The following TAFA1 variants were observed in gnomAD, a reference collection of about 807,000 sequenced individuals.
TAFA1 encodes chemokine-like protein TAFA-1.
In TAFA1, 4 loss-of-function variants were observed where a neutral mutation model predicts 18.5. That is an observed-to-expected ratio of 0.22 (90% CI 0.11 to 0.49). The LOEUF is 0.49. Ranked by LOEUF, TAFA1 falls within the 20% of genes least tolerant of loss-of-function variation. The pLI is 0.98. For synonymous variants in TAFA1, 56 were observed against 55.2 expected (o/e 1.01, Z -0.06); for missense variants, 147 against 169.0 (o/e 0.87, Z 0.72).
At chr3:68,066,850 C>T (rs189939277) in intron 2 of TAFA1, among the ~76,000 whole-genome samples, 87 of 152,150 alleles carry the variant, frequency 5.7e-4, no homozygotes, top group Admixed American at 1.4e-3. Flanking sequence ...CTGGGAAGAA[C>T]GTGAGGAGGG....
intron 3 of TAFA1, among the ~76,000 whole-genome samples, chr3:68,537,476 C>A (rs2073294354): frequency 6.6e-6 from 1 of 152,100 alleles, no homozygotes; most frequent in African/African-American, 2.4e-5. Context: ...GAAAAGGAGG[C>A]CTGGCTAGCA....
At chr3:68,011,848 A>T (rs1704479195) in intron 2 of TAFA1, among the ~76,000 whole-genome samples, 2 of 152,188 alleles carry the variant, frequency 1.3e-5, no homozygotes, top group Non-Finnish European at 2.9e-5. Flanking sequence ...ATTTGATCAG[A>T]CCCTATAATA....
intron 2 of TAFA1, among the ~76,000 whole-genome samples, chr3:68,078,747 A>G (rs2064858467): frequency 1.3e-5 from 2 of 152,200 alleles, no homozygotes; most frequent in South Asian, 4.1e-4. Flanking sequence ...ATCAATGTTC[A>G]TCAAGGACAT....
chr3:68,056,521 C>A (rs2064538979), intron 2 of TAFA1, among the ~76,000 whole-genome samples: 1 of 152,026 alleles, frequency 6.6e-6, no homozygotes, highest in Non-Finnish European at 1.5e-5. Context: ...TTTGGAGATG[C>A]AAAACGCTTT....
intron 2 of TAFA1, among the ~76,000 whole-genome samples, chr3:68,331,887 G>A (rs1485527521): frequency 1.8e-4 from 17 of 94,538 alleles, no homozygotes; most frequent in African/African-American, 4.7e-4. Flanking sequence ...TTTTTGAGAC[G>A]GAGTCTCGCT....
chr3:68,348,641 C>T (rs2069209038), intron 2 of TAFA1, among the ~76,000 whole-genome samples: 1 of 152,080 alleles, frequency 6.6e-6, no homozygotes, highest in East Asian at 1.9e-4. Flanking sequence ...TTAAACTTGA[C>T]TCCTGAAACG....
chr3:68,218,856 G>A (rs1276200294), intron 2 of TAFA1, among the ~76,000 whole-genome samples: 1 of 152,114 alleles, frequency 6.6e-6, no homozygotes, highest in Non-Finnish European at 1.5e-5. Flanking sequence ...AGACCATAGT[G>A]TTGTTTCTTT....
chr3:68,494,457 C>A (rs1233920978), intron 3 of TAFA1, among the ~76,000 whole-genome samples: 4 of 152,158 alleles, frequency 2.6e-5, no homozygotes, highest in Non-Finnish European at 1.5e-5. Context: ...TGCTGAATAT[C>A]AAATTTCACA....
intron 2 of TAFA1, among the ~76,000 whole-genome samples, chr3:68,140,405 G>C (rs114671708): frequency 0.012 from 1,806 of 152,296 alleles, 39 homozygotes; most frequent in African/African-American, 0.042. Flanking sequence ...TTAAGCTACT[G>C]CATTTTCCAA....
chr3:68,465,358 A>G (rs564873748), intron 3 of TAFA1, among the ~76,000 whole-genome samples: 4 of 152,280 alleles, frequency 2.6e-5, no homozygotes, highest in African/African-American at 4.8e-5. Flanking sequence ...CATCAAAACT[A>G]TATAACCATC....
chr3:68,511,071 G>A (rs1469038170), intron 3 of TAFA1, among the ~76,000 whole-genome samples: 1 of 152,106 alleles, frequency 6.6e-6, no homozygotes, highest in Non-Finnish European at 1.5e-5. Flanking sequence ...AGACTCAAAT[G>A]CAAATGTGCC....
intron 2 of TAFA1, among the ~76,000 whole-genome samples, chr3:68,314,904 T>C (rs1320521109): frequency 6.7e-6 from 1 of 149,378 alleles, no homozygotes; most frequent in South Asian, 2.1e-4. Context: ...ATACACATAT[T>C]GATATATTCT....
At chr3:68,312,649 A>ATTG (rs1477580197) in intron 2 of TAFA1, among the ~76,000 whole-genome samples, 7 of 152,176 alleles carry the variant, frequency 4.6e-5, no homozygotes, top group Non-Finnish European at 8.8e-5. Context: ...CACTATGAGC[A>ATTG]TTTTGGGAAA....
In TAFA1 at chr3:68,477,641, A is replaced by G. The variant is rs532941587; in HGVS notation, c.259+60221A>G. Among the ~76,000 whole-genome samples, 1,117 of 152,208 alleles carry G rather than the reference A, an allele frequency of 7.3e-3. 11 individuals carry two copies. The highest frequency in any genetic ancestry group is 0.025 in the African/African-American group (1,037 of 41,530). ...AGTCATCTGCCCACCTTAGCCTCCC[A>G]AAGTGCTGGGATTACAGGCGTAAAC... On this transcript the variant is annotated intron_variant, in intron 3 of 4. Coordinates refer to ENST00000478136, the MANE Select transcript of TAFA1 (RefSeq NM_213609.4).
chr3:68,036,914 C>G lies in TAFA1; in HGVS notation c.118+30170C>G, dbSNP rs146024565. On this transcript the variant is annotated intron_variant, in intron 2 of 4. Coordinates refer to ENST00000478136, the MANE Select transcript of TAFA1 (RefSeq NM_213609.4). Reference sequence around the variant, plus strand: ...TTGTTTTTTCATTTGTACAATCATTCACTTATTGAGCACTTATCTAACACT... The same window carrying G: ...TTGTTTTTTCATTTGTACAATCATTGACTTATTGAGCACTTATCTAACACT... 2.5e-3 allele frequency among the ~76,000 whole-genome samples: 379 copies of G among 152,252 alleles called. 1 individual carries two copies. Among genetic ancestry groups the G allele is most frequent in the African/African-American group, 8.7e-3 (360 of 41,554 alleles).
At chr3:68,120,177 CTTTCTTTCTTTCTTTCTTTCTT>C (rs2065375145) in intron 2 of TAFA1, among the ~76,000 whole-genome samples, 1 of 15,740 alleles carries the variant, frequency 6.4e-5, no homozygotes, top group Non-Finnish European at 1.7e-4. Context: ...CTTTCTCTTT[CTTTCTTTCTTTCTTTCTTTCTT>C]TCTTTCTTTC....
At chr3:68,373,296 A>G (rs375536275) in intron 2 of TAFA1, among the ~76,000 whole-genome samples, 21 of 152,306 alleles carry the variant, frequency 1.4e-4, no homozygotes, top group African/African-American at 4.6e-4. Context: ...TCTATAAGGG[A>G]AGAAGAACAT....
rs184558570 is a variant in TAFA1 at position 68,257,235 on chromosome 3, G to A, written c.119-160045G>A. Among the ~76,000 whole-genome samples, 567 of 152,030 alleles carry A rather than the reference G, an allele frequency of 3.7e-3. 3 individuals are homozygous for A. The highest frequency in any genetic ancestry group is 0.013 in the African/African-American group (532 of 41,448). On this transcript the variant is annotated intron_variant, in intron 2 of 4. Coordinates refer to ENST00000478136, the MANE Select transcript of TAFA1 (RefSeq NM_213609.4). ...CAGCTAAACATAACTTTCTTGGATG[G>A]CACTCCTTTAAAGCCCAGCCACCCG...
chr3:68,190,729 A>G (rs546738785), intron 2 of TAFA1, among the ~76,000 whole-genome samples: 1 of 151,964 alleles, frequency 6.6e-6, no homozygotes, highest in East Asian at 1.9e-4. Context: ...GTGAGAACAG[A>G]ATAGGAAATA....
Sources: gnomAD v4.1 joint callset for allele counts (sites outside exome capture counted in the v4.1 genomes callset) on GRCh38, gnomAD v4.1.1 for gene constraint, MANE v1.5 for transcripts, NCBI Gene and HGNC (gene_info 2026-07-23, HGNC 2026-07-21) for gene names.